The following ANTXR1 variants were observed in gnomAD, a reference collection of about 807,000 sequenced individuals.
ANTXR1 encodes the protein anthrax toxin receptor 1.
ANTXR1 carries 19 observed loss-of-function variants against 78.1 expected under a neutral mutation model. The ratio of observed to expected loss-of-function variants is 0.24; its 90% confidence interval spans 0.17 to 0.36. The LOEUF is 0.36. ANTXR1 is among the 10% of genes least tolerant of loss of function. The pLI, the probability that ANTXR1 is intolerant of heterozygous loss-of-function variation, is 1.00. For synonymous variants in ANTXR1, 273 were observed against 260.5 expected (o/e 1.05, Z -0.46); for missense variants, 518 against 718.6 (o/e 0.72, Z 3.19).
chr2:69,200,880 G>C (rs1344795936), intron 17 of ANTXR1, among the ~76,000 whole-genome samples: 3 of 152,196 alleles, frequency 2.0e-5, no homozygotes, highest in Admixed American at 1.3e-4. Context: ...TTAAAGAACA[G>C]AAATTGAGGC....
intron 3 of ANTXR1, among the ~76,000 whole-genome samples, chr2:69,060,074 G>A (rs1333272842): frequency 3.3e-5 from 5 of 151,988 alleles, no homozygotes; most frequent in African/African-American, 9.7e-5. Flanking sequence ...TTCCTTGATG[G>A]GCTCCTCTTT....
intron 3 of ANTXR1, among the ~76,000 whole-genome samples, chr2:69,059,711 G>A (rs1324028489): frequency 6.6e-6 from 1 of 152,116 alleles, no homozygotes; most frequent in African/African-American, 2.4e-5. Flanking sequence ...ATATAGTATA[G>A]CATAACTTTT....
chr2:69,221,445 A>G (rs1302553712), intron 17 of ANTXR1, among the ~76,000 whole-genome samples: 1 of 152,168 alleles, frequency 6.6e-6, no homozygotes, highest in Non-Finnish European at 1.5e-5. Context: ...TGAGAGTAAA[A>G]GGGGATCTAA....
rs530052312 is a variant in ANTXR1, at chr2:69,168,830, G to A, written c.1048-1418G>A. 2.6e-5 allele frequency among the ~76,000 whole-genome samples: 4 copies of A among 152,320 alleles called. No homozygotes were observed. In the South Asian group the frequency reaches 6.2e-4, roughly 24 times the overall value. On this transcript the variant is annotated intron_variant, in intron 13 of 17. Coordinates refer to ENST00000303714, the MANE Select transcript of ANTXR1 (RefSeq NM_032208.3). Reference sequence around the variant, plus strand: ...CATTTTCCAGAGACTTTCACCAGGCGTCTCACAGCAGCCAGGAAGTGGAGG... The same window carrying A: ...CATTTTCCAGAGACTTTCACCAGGCATCTCACAGCAGCCAGGAAGTGGAGG...
intron 10 of ANTXR1, among the ~76,000 whole-genome samples, chr2:69,109,672 A>G (rs1671918854): frequency 6.6e-6 from 1 of 152,260 alleles, no homozygotes; most frequent in East Asian, 1.9e-4. Flanking sequence ...TTCATTTTTA[A>G]TCTCACACCT....
At chr2:69,050,623 C>T (rs1214235151) in intron 3 of ANTXR1, among the ~76,000 whole-genome samples, 1 of 152,006 alleles carries the variant, frequency 6.6e-6, no homozygotes, top group Non-Finnish European at 1.5e-5. Flanking sequence ...ACTATCAAAG[C>T]CTAAATTATT....
chr2:69,086,682 C>T (rs557619476), intron 8 of ANTXR1, among the ~76,000 whole-genome samples: 60 of 43,658 alleles, frequency 1.4e-3, no homozygotes, highest in African/African-American at 5.7e-3. Context: ...CCACGGTCCA[C>T]GCCCAAAAGT....
At chr2:69,232,464 C>T (rs1675643663) in intron 17 of ANTXR1, among the ~76,000 whole-genome samples, 1 of 150,070 alleles carries the variant, frequency 6.7e-6, no homozygotes, top group African/African-American at 2.5e-5. Context: ...CACCACTGCA[C>T]TCCAGCCTAG....
intron 5 of ANTXR1, 95 bp downstream of exon 5, chr2:69,071,882 CATGT>C: frequency 9.0e-7 from 1 of 1,114,032 alleles, no homozygotes; most frequent in Non-Finnish European, 1.4e-6. Context: ...TTTCAAAAGA[CATGT>C]ATGATATTAT....
At chr2:69,110,216 A>G (rs1452333963) in intron 10 of ANTXR1, among the ~76,000 whole-genome samples, 1 of 152,214 alleles carries the variant, frequency 6.6e-6, no homozygotes, top group African/African-American at 2.4e-5. Flanking sequence ...ATCGTTAGGA[A>G]GGAAATTTTT....
chr2:69,070,561 A>T (rs1265312983), intron 3 of ANTXR1, 86 bp from the exon 4 acceptor site: 2 of 1,219,762 alleles, frequency 1.6e-6, no homozygotes, highest in Non-Finnish European at 2.4e-6. Flanking sequence ...GTATCCACAG[A>T]GGTAAGAAGA....
chr2:69,182,394 GT>G, intron 15 of ANTXR1, 98 bp from the exon 16 acceptor site: 1 of 1,410,854 alleles, frequency 7.1e-7, no homozygotes, highest in Non-Finnish European at 9.8e-7. Flanking sequence ...CCAGGGTTGG[GT>G]AGCATTCACA....
At chr2:69,222,432 G>C (rs1675341785) in intron 17 of ANTXR1, among the ~76,000 whole-genome samples, 1 of 152,186 alleles carries the variant, frequency 6.6e-6, no homozygotes, top group South Asian at 2.1e-4. Flanking sequence ...ATTAATTCCA[G>C]AGTGACAGAA....
At chr2:69,113,256 T>A (rs974314245) in intron 10 of ANTXR1, among the ~76,000 whole-genome samples, 3 of 152,074 alleles carry the variant, frequency 2.0e-5, no homozygotes, top group African/African-American at 7.2e-5. Context: ...ATGGCTCAGT[T>A]TTCATGTAAG....
intron 3 of ANTXR1, among the ~76,000 whole-genome samples, chr2:69,062,344 T>C (rs1051893796): frequency 6.6e-6 from 1 of 152,226 alleles, no homozygotes; most frequent in Non-Finnish European, 1.5e-5. Flanking sequence ...ATTCTCATTG[T>C]GCTTGGATTC....
chr2:69,102,129 T>C (rs2104317011), intron 9 of ANTXR1, among the ~76,000 whole-genome samples: 1 of 152,358 alleles, frequency 6.6e-6, no homozygotes, highest in East Asian at 1.9e-4. Flanking sequence ...GCTTGGCAAC[T>C]GACCACTGCT....
intron 13 of ANTXR1, among the ~76,000 whole-genome samples, chr2:69,166,166 A>G (rs534651872): frequency 2.0e-5 from 3 of 152,322 alleles, no homozygotes; most frequent in South Asian, 4.1e-4. Flanking sequence ...GTTTGACTCA[A>G]TGAGAATTTG....
chr2:69,046,466 A>G (rs1669771799), intron 3 of ANTXR1, among the ~76,000 whole-genome samples: 1 of 152,160 alleles, frequency 6.6e-6, no homozygotes, highest in Non-Finnish European at 1.5e-5. Context: ...TCCTGTTCTG[A>G]AGAGAAAACA....
chr2:69,154,668 C>G (rs1673478869), intron 13 of ANTXR1, among the ~76,000 whole-genome samples: 1 of 152,182 alleles, frequency 6.6e-6, no homozygotes, highest in South Asian at 2.1e-4. Flanking sequence ...GGGAATGCCC[C>G]TCAACCTACT....
Sources: gnomAD v4.1 joint callset for allele counts (sites outside exome capture counted in the v4.1 genomes callset) on GRCh38, gnomAD v4.1.1 for gene constraint, MANE v1.5 for transcripts, NCBI Gene and HGNC (gene_info 2026-07-23, HGNC 2026-07-21) for gene names.